The following DMD variants were observed in gnomAD, a reference collection of about 807,000 sequenced individuals.
The protein encoded by DMD is dystrophin.
A neutral mutation model predicts 330.1 loss-of-function variants in DMD; 63 were observed. The observed-to-expected ratio is 0.19, with a 90% CI of 0.16 to 0.24. The LOEUF is 0.24. DMD is among the 10% of genes least tolerant of loss of function. DMD has a pLI of 1.00. For synonymous variants in DMD, 1,223 were observed against 959.8 expected, an observed-to-expected ratio of 1.27 and a Z score of -5.07; for missense variants, 3,344 against 2,684.1, an observed-to-expected ratio of 1.25 and a Z score of -5.43.
In DMD at chrX:32,243,437, G is replaced by A. The variant is rs753277053; in HGVS notation, c.6291-26374C>T. On this transcript the variant is annotated intron_variant, in intron 43 of 78. Transcript: ENST00000357033. ...CAATTATATGATGTTAATTAAGACA[G>A]TGCTATGCTGGTAAATGTCTAACAA... Among the ~76,000 whole-genome samples the A allele has an allele frequency of 4.5e-5, 5 of 111,891 alleles. No homozygotes were observed. In the South Asian group the frequency reaches 1.9e-3, roughly 41 times the overall value.
At chrX:32,613,855 G>C (rs1442745988) in intron 12 of DMD, among the ~76,000 whole-genome samples, 2 of 111,288 alleles carry the variant, frequency 1.8e-5, no homozygotes, top group Non-Finnish European at 3.8e-5. Context: ...AAATAACTGA[G>C]AATGAGGTAA....
chrX:31,822,619 C>CTGAA (rs1198127193), intron 49 of DMD, among the ~76,000 whole-genome samples: 3 of 88,951 alleles, frequency 3.4e-5, no homozygotes, highest in African/African-American at 1.4e-4. Context: ...GTCAGCTGGA[C>CTGAA]TGAAGGCTTT....
intron 12 of DMD, 81 bp downstream of exon 12, chrX:32,614,222 T>C: frequency 1.1e-6 from 1 of 943,757 alleles, no homozygotes; most frequent in Non-Finnish European, 1.5e-6. Context: ...CCATCAACCA[T>C]GTCATCTGTG....
intron 51 of DMD, among the ~76,000 whole-genome samples, chrX:31,758,120 C>A (rs778167413): frequency 1.3e-4 from 14 of 111,303 alleles, no homozygotes; most frequent in Non-Finnish European, 2.4e-4. Flanking sequence ...ATGATATTAT[C>A]TTTAAGTAAG....
At chrX:32,768,148 C>A (rs1272611610) in intron 7 of DMD, among the ~76,000 whole-genome samples, 2 of 111,647 alleles carry the variant, frequency 1.8e-5, no homozygotes, top group East Asian at 5.6e-4. Context: ...TTATTTATAA[C>A]ACACAAAAGA....
intron 44 of DMD, among the ~76,000 whole-genome samples, chrX:32,066,758 G>A (rs1487080618): frequency 9.0e-6 from 1 of 111,492 alleles, no homozygotes. Flanking sequence ...TCATCATATG[G>A]TGACTGGAAT....
intron 65 of DMD, among the ~76,000 whole-genome samples, 178 bp from the exon 66 acceptor site, chrX:31,206,845 C>G (rs1435272916): frequency 8.9e-6 from 1 of 111,872 alleles, no homozygotes; most frequent in East Asian, 2.8e-4. Context: ...AATTCATTAT[C>G]TCTTTGACTG....
chrX:32,841,243 A>T (rs1358219987), intron 4 of DMD, among the ~76,000 whole-genome samples: 1 of 111,993 alleles, frequency 8.9e-6, no homozygotes. Flanking sequence ...AAAATTTAAA[A>T]AAAAAATCAA....
At chrX:33,070,384 T>C (rs2148150340) in intron 1 of DMD, among the ~76,000 whole-genome samples, 1 of 110,158 alleles carries the variant, frequency 9.1e-6, no homozygotes, top group East Asian at 2.9e-4. Context: ...CTGACAGCTC[T>C]TACTGCATCA....
intron 2 of DMD, among the ~76,000 whole-genome samples, chrX:32,968,422 A>T (rs974411188): frequency 8.9e-6 from 1 of 111,960 alleles, no homozygotes; most frequent in African/African-American, 3.2e-5. Context: ...CAAGGGGTCA[A>T]TACTGACAGG....
chrX:32,247,362 A>T (rs1291353713), intron 43 of DMD, among the ~76,000 whole-genome samples: 1 of 112,049 alleles, frequency 8.9e-6, no homozygotes, highest in Non-Finnish European at 1.9e-5. Context: ...AAATAGCACA[A>T]TCTATTATAG....
intron 59 of DMD, among the ~76,000 whole-genome samples, chrX:31,448,011 CAAAAAAAAAAAAAAAAA>C (rs1198070119): frequency 2.8e-5 from 1 of 35,305 alleles, no homozygotes; most frequent in Admixed American, 3.5e-4. Flanking sequence ...ACTCTGTCTC[CAAAAAAAAAAAAAAAAA>C]AAAAAGAAAA....
intron 60 of DMD, among the ~76,000 whole-genome samples, chrX:31,362,945 G>A (rs140857598): frequency 0.12 from 12,934 of 111,856 alleles, 743 homozygotes; most frequent in Non-Finnish European, 0.17. Context: ...GTGAGACACC[G>A]TCTCAAAAAA....
chrX:33,261,667 C>CAT (rs1557309962), intron 1 of DMD, among the ~76,000 whole-genome samples: 7 of 108,302 alleles, frequency 6.5e-5, no homozygotes, highest in South Asian at 8.0e-4. Context: ...CACACACACA[C>CAT]GCCATGAAGG....
chrX:31,253,739 C>T (rs1050615641), intron 63 of DMD, among the ~76,000 whole-genome samples: 3 of 111,966 alleles, frequency 2.7e-5, no homozygotes, highest in South Asian at 3.8e-4. Context: ...ACACCCCTAA[C>T]CTCAGGCCCA....
At chrX:33,231,778 T>C (rs1264378149) in intron 1 of DMD, among the ~76,000 whole-genome samples, 5 of 111,347 alleles carry the variant, frequency 4.5e-5, no homozygotes, top group African/African-American at 1.6e-4. Flanking sequence ...CTTAACAGGA[T>C]AGTTAGAGAT....
At chrX:32,393,815 G>A (rs1214577666) in intron 30 of DMD, among the ~76,000 whole-genome samples, 1 of 110,625 alleles carries the variant, frequency 9.0e-6, no homozygotes, top group Admixed American at 9.6e-5. Flanking sequence ...ATCAATTGAT[G>A]TGAGAATTTT....
At chrX:32,893,074 C>G (rs896139833) in intron 2 of DMD, among the ~76,000 whole-genome samples, 1 of 111,776 alleles carries the variant, frequency 8.9e-6, no homozygotes, top group East Asian at 2.8e-4. Context: ...TGATGGAATC[C>G]CATGACGTGA....
chrX:32,246,775 C>T (rs971921921), intron 43 of DMD, among the ~76,000 whole-genome samples: 11 of 109,742 alleles, frequency 1.0e-4, no homozygotes, highest in Non-Finnish European at 1.3e-4. Flanking sequence ...TATTCTCTGA[C>T]GGTAGTTTGT....
Sources: allele counts gnomAD v4.1 joint callset (sites outside exome capture counted in the v4.1 genomes callset), GRCh38; gene constraint gnomAD v4.1.1; transcripts MANE v1.5; gene names NCBI Gene and HGNC (gene_info 2026-07-23, HGNC 2026-07-21).